The following SOX6 variants were observed in gnomAD, a reference collection of about 807,000 sequenced individuals.
SOX6 encodes SRY-box transcription factor 6, also known as transcription factor SOX-6.
In SOX6, 11 loss-of-function variants were observed where a neutral mutation model predicts 97.8. The ratio of observed to expected loss-of-function variants is 0.11; its 90% CI spans 0.07 to 0.19. The LOEUF (loss-of-function observed/expected upper bound fraction) is 0.19, where lower values mean the gene tolerates loss of function less well. Ranked by LOEUF, SOX6 falls within the 10% of genes least tolerant of loss-of-function variation. The pLI is 1.00. For synonymous variants in SOX6, 360 were observed against 371.4 expected, an observed-to-expected ratio of 0.97 and a Z score of 0.35; for missense variants, 810 against 1,039.5, an observed-to-expected ratio of 0.78 and a Z score of 3.04.
At position 15,970,086 on chromosome 11, in the gene SOX6, G is replaced by A. The variant is rs1853257512; in HGVS notation, c.*2723C>T. ...TAAAAATGACTCAAATCCGGCAACT[G>A]TGAGGCAAGCCCACACGAGTCGAAA... On this transcript the variant is annotated 3_prime_UTR_variant, in exon 16 of 16. Coordinates refer to ENST00000683767, the MANE Select transcript of SOX6 (RefSeq NM_001367873.1). 6.6e-6 allele frequency: 1 copy of A among 152,196 alleles called. No homozygotes were observed. The highest frequency in any genetic ancestry group is 6.5e-5 in the Admixed American group (1 of 15,282). 9.4% of individuals were successfully genotyped at this position (152,196 alleles called of 1,614,324 possible).
intron 3 of SOX6, among the ~76,000 whole-genome samples, chr11:16,646,887 T>G (rs1335168433): frequency 2.0e-5 from 3 of 152,228 alleles, no homozygotes; most frequent in African/African-American, 7.2e-5. Context: ...CTTATTTTTC[T>G]CTGGGCAGAT....
chr11:16,083,399 A>G (rs1286017765), intron 9 of SOX6, among the ~76,000 whole-genome samples: 1 of 152,252 alleles, frequency 6.6e-6, no homozygotes, highest in Admixed American at 6.5e-5. Context: ...CACTGCTACC[A>G]GCACTGTAAC....
intron 1 of SOX6, among the ~76,000 whole-genome samples, chr11:16,475,627 G>C (rs965620833): frequency 2.6e-5 from 4 of 152,062 alleles, no homozygotes; most frequent in African/African-American, 9.7e-5. Flanking sequence ...GTAACATCAA[G>C]ATCACTAATT....
chr11:16,721,868 G>C (rs1003767130), intron 2 of SOX6, among the ~76,000 whole-genome samples: 2 of 151,610 alleles, frequency 1.3e-5, no homozygotes, highest in African/African-American at 4.9e-5. Context: ...ACAGAATAGA[G>C]CCCAGAAATA....
intron 3 of SOX6, among the ~76,000 whole-genome samples, chr11:16,614,848 A>G (rs1848450408): frequency 6.6e-6 from 1 of 152,210 alleles, no homozygotes; most frequent in Admixed American, 6.5e-5. Context: ...ATTTCAAGAA[A>G]ATGGGACACT....
chr11:16,041,419 G>A (rs1855660098), intron 12 of SOX6, among the ~76,000 whole-genome samples: 2 of 152,102 alleles, frequency 1.3e-5, no homozygotes, highest in South Asian at 4.1e-4. Context: ...TTACATCAGT[G>A]TAATACTGAT....
intron 3 of SOX6, among the ~76,000 whole-genome samples, chr11:16,302,566 CTTTT>C (rs71044096): frequency 2.1e-4 from 18 of 86,998 alleles, no homozygotes; most frequent in African/African-American, 7.6e-4. Flanking sequence ...TTCTTTTTTT[CTTTT>C]TTTTTTTTTT....
intron 4 of SOX6, among the ~76,000 whole-genome samples, chr11:16,508,327 T>C (rs964851062): frequency 3.6e-4 from 55 of 152,206 alleles, no homozygotes; most frequent in African/African-American, 1.3e-3. Context: ...AGAACTACCA[T>C]AGCATCCAGC....
At chr11:16,669,458 A>G (rs1200706679) in intron 3 of SOX6, among the ~76,000 whole-genome samples, 2 of 152,224 alleles carry the variant, frequency 1.3e-5, no homozygotes, top group African/African-American at 4.8e-5. Context: ...AGCATACTGC[A>G]GCAGCCCTAC....
intron 4 of SOX6, among the ~76,000 whole-genome samples, chr11:16,584,909 T>C (rs1589995660): frequency 1.3e-5 from 2 of 152,384 alleles, no homozygotes; most frequent in East Asian, 1.9e-4. Context: ...GTTTGCTAGC[T>C]GCTGCCTCTT....
rs1348907105 is a variant in SOX6 at position 16,356,432 on chromosome 11, A to C, written c.-343T>G. 6.6e-6 allele frequency among the ~76,000 whole-genome samples: 1 copy of C among 152,120 alleles called. No homozygotes were observed. Among genetic ancestry groups the C allele is most frequent in the Non-Finnish European group, 1.5e-5 (1 of 67,998 alleles). ...TACAGTACCCCACATACCTTCTGCCACTGCTGCTACAGTTAAGCAAACTTT... is the reference window on the plus strand; with the variant it reads ...TACAGTACCCCACATACCTTCTGCCCCTGCTGCTACAGTTAAGCAAACTTT... On this transcript the variant is annotated 5_prime_UTR_variant, in exon 1 of 16. Coordinates refer to ENST00000683767, the MANE Select transcript of SOX6 (RefSeq NM_001367873.1).
chr11:16,426,913 C>CAAAAA (rs34720074), intron 1 of SOX6, among the ~76,000 whole-genome samples: 1 of 62,636 alleles, frequency 1.6e-5, no homozygotes, highest in African/African-American at 7.1e-5. Context: ...GACTCCGTCT[C>CAAAAA]AAAAAAAAAA....
intron 4 of SOX6, among the ~76,000 whole-genome samples, chr11:16,514,818 T>G (rs948663137): frequency 6.6e-6 from 1 of 151,522 alleles, no homozygotes; most frequent in African/African-American, 2.4e-5. Flanking sequence ...GTGCTTGCGA[T>G]AGTTTACTGA....
intron 3 of SOX6, among the ~76,000 whole-genome samples, chr11:16,257,522 A>AT (rs1853729973): frequency 6.6e-6 from 1 of 151,952 alleles, no homozygotes; most frequent in Admixed American, 6.6e-5. Context: ...GGAGGAGTCT[A>AT]GACATATATC....
intron 1 of SOX6, among the ~76,000 whole-genome samples, chr11:16,441,719 A>G (rs1315612356): frequency 1.3e-5 from 2 of 152,194 alleles, no homozygotes; most frequent in Non-Finnish European, 2.9e-5. Context: ...AGCTGCCATA[A>G]AAGAGGTCAT....
chr11:16,069,579 A>G (rs879372333), intron 9 of SOX6, among the ~76,000 whole-genome samples: 1 of 152,232 alleles, frequency 6.6e-6, no homozygotes, highest in Non-Finnish European at 1.5e-5. Flanking sequence ...TAAAATGTAC[A>G]TATTTTAAAC....
rs116602590 is a variant in SOX6 at position 16,446,588 on chromosome 11, T to G, written c.-5+29727A>C. On this transcript the variant is annotated intron_variant, in intron 1 of 15. Coordinates refer to the SOX6 transcript ENST00000396356. ...GATCCCAAACAATTTCTCCAATGTA[T>G]TACGCACATAAACAAGTTTTTCTTC... Among the ~76,000 whole-genome samples, 1,117 of 152,232 alleles carry G rather than the reference T, an allele frequency of 7.3e-3. 16 individuals carry two copies. The highest frequency in any genetic ancestry group is 0.024 in the African/African-American group (1,000 of 41,550).
At chr11:16,231,188 C>G (rs1327781201) in intron 4 of SOX6, among the ~76,000 whole-genome samples, 1 of 151,564 alleles carries the variant, frequency 6.6e-6, no homozygotes. Context: ...GAAAGATTGA[C>G]AGCAAAACCA....
At chr11:16,038,240 G>A (rs1252169993) in intron 12 of SOX6, among the ~76,000 whole-genome samples, 1 of 152,020 alleles carries the variant, frequency 6.6e-6, no homozygotes, top group Non-Finnish European at 1.5e-5. Context: ...AGGGAGGTGG[G>A]GTCCTGGACC....
Sources: gnomAD v4.1 joint callset for allele counts (sites outside exome capture counted in the v4.1 genomes callset) on GRCh38, gnomAD v4.1.1 for gene constraint, MANE v1.5 for transcripts, NCBI Gene and HGNC (gene_info 2026-07-23, HGNC 2026-07-21) for gene names.